Variants in ARSJ observed in about 807,000 individuals in gnomAD.
ARSJ encodes arylsulfatase family member J.
Under a neutral mutation model 35.9 loss-of-function variants are expected in ARSJ, and 26 were observed. The observed-to-expected ratio is 0.72, with a 90% CI of 0.53 to 1.00. The LOEUF (loss-of-function observed/expected upper bound fraction) is 1.00, where lower values mean the gene tolerates loss of function less well. ARSJ is among the 50% of genes least tolerant of loss of function. The pLI, the probability that ARSJ is intolerant of heterozygous loss-of-function variation, is 0.00. For missense variants in ARSJ, 667 were observed against 723.6 expected, an observed-to-expected ratio of 0.92 and a Z score of 0.90; for synonymous variants, 294 against 267.6, an observed-to-expected ratio of 1.10 and a Z score of -0.96.
intron 1 of ARSJ, among the ~76,000 whole-genome samples, chr4:113,961,578 G>A (rs747500484): frequency 6.6e-6 from 1 of 152,062 alleles, no homozygotes; most frequent in Non-Finnish European, 1.5e-5. Flanking sequence ...ATGCAGGTTG[G>A]CCCATAAACT....
At chr4:113,905,478 AT>A (rs1222261714) in intron 1 of ARSJ, among the ~76,000 whole-genome samples, 1 of 152,124 alleles carries the variant, frequency 6.6e-6, no homozygotes, top group Admixed American at 6.5e-5. Context: ...CTGGAGTGAT[AT>A]CTGATCACTA....
Position 113,979,110 on chromosome 4 carries a change from A to AG in ARSJ, c.-277_-276insC. 1 of 338,510 alleles carries AG rather than the reference A, an allele frequency of 3.0e-6. No homozygotes were observed. Among genetic ancestry groups the AG allele is most frequent in the Non-Finnish European group, 5.4e-6 (1 of 186,174 alleles). The allele number at this position is 338,510 out of a possible 1,614,324, so 21.0% of individuals were successfully genotyped here. A position where few individuals can be genotyped will look rare whatever the true frequency, so the allele number is the denominator to read the frequency against. On this transcript the variant is annotated 5_prime_UTR_variant, in exon 1 of 2. Coordinates refer to ENST00000315366, the MANE Select transcript of ARSJ (RefSeq NM_024590.4). Reference sequence around the variant, plus strand: ...TAGAGCAGCTTCCACCAAGGAAAAAAAAAAGAAAAAAGTTAATATCTCCAC... The same window carrying AG: ...TAGAGCAGCTTCCACCAAGGAAAAAAGAAAAGAAAAAAGTTAATATCTCCAC...
chr4:113,926,728 A>G (rs1272963201), intron 1 of ARSJ, among the ~76,000 whole-genome samples: 2 of 152,190 alleles, frequency 1.3e-5, no homozygotes, highest in African/African-American at 2.4e-5. Context: ...GATGGGTCAG[A>G]AAGCATCCAG....
intron 1 of ARSJ, among the ~76,000 whole-genome samples, chr4:113,918,039 C>A (rs1438723050): frequency 6.6e-6 from 1 of 152,198 alleles, no homozygotes; most frequent in African/African-American, 2.4e-5. Flanking sequence ...CATTTCCCAA[C>A]CTATTGGTTA....
At chr4:113,922,706 A>T (rs2149259539) in intron 1 of ARSJ, among the ~76,000 whole-genome samples, 1 of 152,348 alleles carries the variant, frequency 6.6e-6, no homozygotes, top group East Asian at 1.9e-4. Flanking sequence ...AGAATGCTCT[A>T]TCTGGTGATT....
intron 1 of ARSJ, among the ~76,000 whole-genome samples, chr4:113,976,467 T>C (rs1000912799): frequency 6.6e-6 from 1 of 152,226 alleles, no homozygotes; most frequent in Non-Finnish European, 1.5e-5. Flanking sequence ...ATTTATATAC[T>C]ACTGCCCAAG....
At chr4:113,910,756 C>G (rs1251316932) in intron 1 of ARSJ, among the ~76,000 whole-genome samples, 1 of 152,142 alleles carries the variant, frequency 6.6e-6, no homozygotes, top group Non-Finnish European at 1.5e-5. Flanking sequence ...TTGTTTAACA[C>G]TCCTTCTCCT....
chr4:113,978,303 T>C, intron 1 of ARSJ, 134 bp downstream of exon 1: 1 of 834,862 alleles, frequency 1.2e-6, no homozygotes, highest in Non-Finnish European at 1.8e-6. Context: ...CCCAATACCA[T>C]ACATCATTCA....
intron 1 of ARSJ, among the ~76,000 whole-genome samples, chr4:113,947,704 C>T (rs113766479): frequency 3.0e-4 from 45 of 151,932 alleles, no homozygotes; most frequent in African/African-American, 1.1e-3. Flanking sequence ...ACCTGAGCAA[C>T]TAAAATTTAA....
At chr4:113,973,372 CTTT>C (rs749486754) in intron 1 of ARSJ, among the ~76,000 whole-genome samples, 45 of 152,182 alleles carry the variant, frequency 3.0e-4, no homozygotes, top group Admixed American at 2.7e-3. Context: ...GACCTCAGCA[CTTT>C]TTAAGAGAAC....
chr4:113,959,074 A>C (rs1237989168), intron 1 of ARSJ, among the ~76,000 whole-genome samples: 3 of 152,076 alleles, frequency 2.0e-5, no homozygotes, highest in Non-Finnish European at 4.4e-5. Context: ...ATAGCAATTT[A>C]AAAGCACGAT....
chr4:113,978,966 C>G lies in ARSJ; in HGVS notation c.-132G>C. On this transcript the variant is annotated 5_prime_UTR_variant, in exon 1 of 2. Transcript: ENST00000315366. ...AATCCTCCTCTCCTCTCAGCTGTCA[C>G]CATGTCCGACAACTTTAATCTTCCA... 1 of 940,490 alleles carries G rather than the reference C, an allele frequency of 1.1e-6. No individual in the cohort carries two copies. Among genetic ancestry groups the G allele is most frequent in the Non-Finnish European group, 1.6e-6 (1 of 637,124 alleles). 58.3% of individuals were successfully genotyped at this position (940,490 alleles called of 1,614,324 possible). A position where few individuals can be genotyped will look rare whatever the true frequency, so the allele number is the denominator to read the frequency against.
intron 1 of ARSJ, among the ~76,000 whole-genome samples, chr4:113,973,542 C>T (rs570886516): frequency 6.6e-6 from 1 of 152,276 alleles, no homozygotes; most frequent in East Asian, 1.9e-4. Flanking sequence ...ACAAAAAATG[C>T]CTGGTGTCTG....
At position 113,903,454 on chromosome 4, in the gene ARSJ, T is replaced by C; in HGVS notation, c.620A>G (p.Tyr207Cys). 1.2e-6 allele frequency: 2 copies of C among 1,614,160 alleles called. No homozygotes were observed. Among genetic ancestry groups the C allele is most frequent in the South Asian group, 1.1e-5 (1 of 91,078 alleles). ...FGSLLGSGDYYTHYKCDSPGM... is the reference protein window; with the variant it reads ...FGSLLGSGDYCTHYKCDSPGM... Reference sequence around the variant, plus strand: ...AGGACTGTCACATTTGTAGTGTGTATAGTAATCCCCACTTCCCAAAAGGGA... The same window carrying C: ...AGGACTGTCACATTTGTAGTGTGTACAGTAATCCCCACTTCCCAAAAGGGA... The change falls in exon 2 of 2, where the codon TAT becomes TGT. Residue 207 changes from tyrosine to cysteine, a missense_variant. By Grantham distance (194) the Tyr-to-Cys change is radical (BLOSUM62 -2). Coordinates refer to ENST00000315366, the MANE Select transcript of ARSJ (RefSeq NM_024590.4).
chr4:113,940,382 T>C (rs989907164), intron 1 of ARSJ, among the ~76,000 whole-genome samples: 1 of 151,960 alleles, frequency 6.6e-6, no homozygotes, highest in Non-Finnish European at 1.5e-5. Context: ...AGCAAACTAA[T>C]GCAGGGGCAG....
chr4:113,908,163 G>C (rs1204148788), intron 1 of ARSJ, among the ~76,000 whole-genome samples: 8 of 152,152 alleles, frequency 5.3e-5, no homozygotes, highest in African/African-American at 1.4e-4. Flanking sequence ...GTTTTGAATT[G>C]GAATAGTTTC....
intron 1 of ARSJ, among the ~76,000 whole-genome samples, chr4:113,926,447 G>A (rs1724069996): frequency 6.6e-6 from 1 of 152,164 alleles, no homozygotes. Flanking sequence ...ACTTTTGGGT[G>A]GTGTCTGCAT....
intron 1 of ARSJ, among the ~76,000 whole-genome samples, chr4:113,947,499 G>GA (rs761682076): frequency 6.0e-4 from 73 of 120,776 alleles, no homozygotes; most frequent in Middle Eastern, 5.2e-3. Context: ...AAAGAGGAAA[G>GA]AAAAAAGAAA....
intron 1 of ARSJ, among the ~76,000 whole-genome samples, chr4:113,977,446 T>C (rs1217187339): frequency 6.6e-6 from 1 of 152,182 alleles, no homozygotes; most frequent in African/African-American, 2.4e-5. Flanking sequence ...GCTACTTTTA[T>C]AGGATCCAAT....
Sources: allele counts gnomAD v4.1 joint callset (sites outside exome capture counted in the v4.1 genomes callset), GRCh38; gene constraint gnomAD v4.1.1; transcripts MANE v1.5; gene names NCBI Gene and HGNC (gene_info 2026-07-23, HGNC 2026-07-21).